TDRD5: variants seen among roughly 807,000 people sequenced by gnomAD.
TDRD5 encodes the protein tudor domain-containing protein 5.
Under a neutral mutation model 120.6 loss-of-function variants are expected in TDRD5, and 41 were observed. The observed-to-expected ratio is 0.34, with a 90% CI of 0.26 to 0.44. The LOEUF (loss-of-function observed/expected upper bound fraction) is 0.44. Ranked by LOEUF, TDRD5 falls within the 20% of genes least tolerant of loss-of-function variation. The pLI, the probability that TDRD5 is intolerant of heterozygous loss-of-function variation, is 1.00. For synonymous variants in TDRD5, 430 were observed against 433.7 expected (o/e 0.99, Z 0.11); for missense variants, 1,006 against 1,221.2 (o/e 0.82, Z 2.63).
intron 4 of TDRD5, among the ~76,000 whole-genome samples, chr1:179,602,686 T>C (rs1675780635): frequency 6.6e-6 from 1 of 152,194 alleles, no homozygotes; most frequent in Admixed American, 6.5e-5. Flanking sequence ...CAGTTGGCTG[T>C]AAGTATTTGG....
chr1:179,620,172 G>T (rs555769823), intron 5 of TDRD5, among the ~76,000 whole-genome samples: 1 of 152,248 alleles, frequency 6.6e-6, no homozygotes, highest in Non-Finnish European at 1.5e-5. Flanking sequence ...GTTTCTGAAA[G>T]GGTGTTTCTC....
chr1:179,665,703 A>T (rs1311299031), intron 16 of TDRD5, among the ~76,000 whole-genome samples: 1 of 152,194 alleles, frequency 6.6e-6, no homozygotes, highest in African/African-American at 2.4e-5. Flanking sequence ...GTTTTATACT[A>T]TTAATTTATA....
In TDRD5 at chr1:179,652,982, A is replaced by T. The variant is rs12026362; in HGVS notation, c.2160+785A>T. ...GTTAGACTTGGGTCTTATCCCCAGG[A>T]TATCTCATGTATATGCAAATGTTTC... On this transcript the variant is annotated intron_variant, in intron 13 of 17. Transcript: ENST00000444136. 4.7e-4 allele frequency among the ~76,000 whole-genome samples: 71 copies of T among 152,342 alleles called. 2 individuals are homozygous for T. The East Asian group carries it at 0.013, about 27-fold the overall frequency.
intron 15 of TDRD5, 70 bp from the exon 16 acceptor site, chr1:179,663,278 C>T (rs1679402090): frequency 4.7e-6 from 7 of 1,501,350 alleles, no homozygotes; most frequent in African/African-American, 1.4e-5. Context: ...ATTTATCTTG[C>T]CCAAGTTATC....
At position 179,630,938 on chromosome 1, in the gene TDRD5, A is replaced by G. The variant is rs1273451466; in HGVS notation, c.1126+18A>G. ...ACCACCTGGTGAGTGGAACCACAGT[A>G]TGATGCAAACCTCATTTTTATTGTC... On this transcript the variant is annotated intron_variant, in intron 7 of 17. Transcript: ENST00000444136. The G allele has an allele frequency of 6.2e-7, 1 of 1,605,412 alleles. No homozygotes were observed. The highest frequency in any genetic ancestry group is 8.5e-7 in the Non-Finnish European group (1 of 1,176,878).
chr1:179,659,386 G>A (rs772333822), intron 14 of TDRD5, among the ~76,000 whole-genome samples: 2 of 151,894 alleles, frequency 1.3e-5, no homozygotes, highest in Non-Finnish European at 2.9e-5. Flanking sequence ...CAGTTTTTCT[G>A]TTGTGCATTT....
At position 179,654,200 on chromosome 1, in the gene TDRD5, G is replaced by A. The variant is rs1678869332; in HGVS notation, c.2161-1G>A. 2 of 1,524,930 alleles carry A rather than the reference G, an allele frequency of 1.3e-6. No homozygotes were observed. The allele number at this position is 1,524,930 out of a possible 1,614,324, so 94.5% of individuals were successfully genotyped here. A position where few individuals can be genotyped will look rare whatever the true frequency, so the allele number is the denominator to read the frequency against. ...AAGGAATTCTCTTTCATATCTACTA[G>A]CAAGATATTAATGATGAAAAGTCTT... is the stretch of plus-strand genomic sequence containing the variant. On this transcript the variant is annotated splice_acceptor_variant, in intron 13 of 17. Transcript: ENST00000444136. LOFTEE classifies it high-confidence loss of function.
chr1:179,592,966 G>T, intron 2 of TDRD5, 119 bp downstream of exon 2: 1 of 1,052,246 alleles, frequency 9.5e-7, no homozygotes, highest in Admixed American at 2.5e-5. Context: ...ATTTGGTGGG[G>T]GAGGGAGACT....
intron 17 of TDRD5, among the ~76,000 whole-genome samples, chr1:179,678,514 C>G (rs1434854368): frequency 6.6e-6 from 1 of 152,206 alleles, no homozygotes; most frequent in East Asian, 1.9e-4. Flanking sequence ...TCCGTCCAGG[C>G]AGGAGCTATA....
chr1:179,660,991 CA>C (rs1679283904), intron 14 of TDRD5, among the ~76,000 whole-genome samples: 1 of 152,162 alleles, frequency 6.6e-6, no homozygotes, highest in Non-Finnish European at 1.5e-5. Flanking sequence ...AGCACTTTAA[CA>C]GTTTCATTCT....
intron 17 of TDRD5, among the ~76,000 whole-genome samples, chr1:179,682,115 A>G (rs1437069990): frequency 6.7e-6 from 1 of 149,478 alleles, no homozygotes; most frequent in Non-Finnish European, 1.5e-5. Flanking sequence ...TTTGAATTCT[A>G]TCTGTGTCAT....
At chr1:179,632,802 C>G (rs1055497849) in intron 7 of TDRD5, among the ~76,000 whole-genome samples, 2 of 152,138 alleles carry the variant, frequency 1.3e-5, no homozygotes, top group Admixed American at 6.5e-5. Context: ...TGATGGGGTT[C>G]TATCCCAATA....
At position 179,654,221 on chromosome 1, in the gene TDRD5, G is replaced by T. The variant is rs955164880; in HGVS notation, c.2181G>T (p.Lys727Asn). The T allele has an allele frequency of 9.1e-6, 14 of 1,543,646 alleles. No homozygotes were observed. In the Admixed American group the frequency reaches 1.0e-4, roughly 11 times the overall value. The change falls in exon 14 of 18, where the codon AAG becomes AAT. Residue 727 changes from lysine to asparagine, a missense_variant. Lys to Asn is a moderately conservative substitution (Grantham distance 94). This residue lies in a region of TDRD5 where 403 missense variants were observed against 448.1 expected (regional missense o/e 0.90). Coordinates refer to ENST00000444136, the MANE Select transcript of TDRD5 (RefSeq NM_001199085.3). The stretch of plus-strand genomic sequence containing the variant: ...ACTAGCAAGATATTAATGATGAAAA[G>T]TCTTTAAGTCATCTTAAATCTGAGT... ...LRILQDINDE[K>N]SLSHLKSESK...
rs375617000 is a variant in TDRD5, at chr1:179,615,889, A to G, written c.832-2710A>G. Among the ~76,000 whole-genome samples, 5 of 152,080 alleles carry G rather than the reference A, an allele frequency of 3.3e-5. No individual in the cohort carries two copies. In the East Asian group the frequency reaches 7.7e-4, roughly 23 times the overall value. ...TATGTTCTCTAACAGATTACATAGT[A>G]AATATTTGAGGCTTTGCAGGCTAAA... On this transcript the variant is annotated intron_variant, in intron 4 of 17. Coordinates refer to ENST00000444136, the MANE Select transcript of TDRD5 (RefSeq NM_001199085.3).
intron 17 of TDRD5, among the ~76,000 whole-genome samples, chr1:179,671,444 TATTAAGTCTATCCACATACTAC>T (rs1679848946): frequency 6.6e-6 from 1 of 152,218 alleles, no homozygotes; most frequent in South Asian, 2.1e-4. Context: ...ATCTTAACAA[TATTAAGTCTATCCACATACTAC>T]ATTTTTTGTT....
At chr1:179,638,097 G>A (rs1677864966) in intron 9 of TDRD5, among the ~76,000 whole-genome samples, 1 of 152,162 alleles carries the variant, frequency 6.6e-6, no homozygotes. Context: ...AAGGGGGAGA[G>A]AGTGACTGAT....
At chr1:179,640,317 C>A in intron 10 of TDRD5, 62 bp from the exon 11 acceptor site, 1 of 1,576,932 alleles carries the variant, frequency 6.3e-7, no homozygotes, top group Non-Finnish European at 8.7e-7. Context: ...TTGGGTCATG[C>A]TAAGAGGTGC....
At chr1:179,640,740 A>T (rs1026685060) in intron 11 of TDRD5, among the ~76,000 whole-genome samples, 2 of 152,188 alleles carry the variant, frequency 1.3e-5, no homozygotes, top group African/African-American at 4.8e-5. Flanking sequence ...TAGGAAGATG[A>T]TGAAAAAAGA....
chr1:179,690,161 A>C (rs890236819), intron 17 of TDRD5, among the ~76,000 whole-genome samples: 1 of 152,236 alleles, frequency 6.6e-6, no homozygotes, highest in Non-Finnish European at 1.5e-5. Context: ...TGGGAGCTGT[A>C]GACTGGAGCT....
Sources: gnomAD v4.1 joint callset for allele counts (sites outside exome capture counted in the v4.1 genomes callset) on GRCh38, gnomAD v4.1.1 for gene constraint, gnomAD v4.1.1 regional missense constraint, MANE v1.5 for transcripts, NCBI Gene and HGNC (gene_info 2026-07-23, HGNC 2026-07-21) for gene names.